The following ANKS1B variants were observed in gnomAD, a reference collection of about 807,000 sequenced individuals.
The protein encoded by ANKS1B is ankyrin repeat and sterile alpha motif domain-containing protein 1B.
ANKS1B carries 36 observed loss-of-function variants against 148.3 expected under a neutral mutation model. The ratio of observed to expected loss-of-function variants is 0.24; its 90% CI spans 0.19 to 0.32. The LOEUF is 0.32. Ranked by LOEUF, ANKS1B falls within the 10% of genes least tolerant of loss-of-function variation. ANKS1B has a pLI of 1.00. For missense variants in ANKS1B, 1,157 were observed against 1,542.6 expected (o/e 0.75, Z 4.19); for synonymous variants, 542 against 560.8 (o/e 0.97, Z 0.47).
chr12:98,852,813 C>T (rs1050156009), intron 17 of ANKS1B, among the ~76,000 whole-genome samples: 7 of 152,024 alleles, frequency 4.6e-5, no homozygotes, highest in Non-Finnish European at 8.8e-5. Context: ...TGATATATTC[C>T]ATATTTAGAA....
intron 1 of ANKS1B, among the ~76,000 whole-genome samples, chr12:99,848,628 G>A (rs1479126953): frequency 3.9e-5 from 6 of 151,960 alleles, no homozygotes; most frequent in Non-Finnish European, 5.9e-5. Flanking sequence ...ATTAAATGAC[G>A]CTGAGTCAAT....
chr12:99,959,096 C>T (rs1256481407), intron 1 of ANKS1B, among the ~76,000 whole-genome samples: 2 of 147,150 alleles, frequency 1.4e-5, no homozygotes, highest in Admixed American at 6.9e-5. Flanking sequence ...CACTCTGTTG[C>T]CCAGGCTAGA....
At chr12:99,062,702 G>T (rs2042839976) in intron 16 of ANKS1B, among the ~76,000 whole-genome samples, 1 of 152,116 alleles carries the variant, frequency 6.6e-6, no homozygotes, top group African/African-American at 2.4e-5. Context: ...AAGAAAAGGG[G>T]GAGATGAGAT....
intron 17 of ANKS1B, among the ~76,000 whole-genome samples, chr12:98,942,455 G>A (rs978465866): frequency 2.0e-5 from 3 of 152,138 alleles, no homozygotes; most frequent in African/African-American, 4.8e-5. Context: ...GACAAAGGCA[G>A]TGCAAAGGGG....
chr12:99,113,896 T>A (rs982473147), intron 15 of ANKS1B, among the ~76,000 whole-genome samples: 1 of 152,226 alleles, frequency 6.6e-6, no homozygotes, highest in African/African-American at 2.4e-5. Flanking sequence ...GTAATCAAGA[T>A]CCTCTAAAAG....
At chr12:99,732,728 T>G (rs2059281557) in intron 8 of ANKS1B, among the ~76,000 whole-genome samples, 1 of 152,174 alleles carries the variant, frequency 6.6e-6, no homozygotes, top group Non-Finnish European at 1.5e-5. Flanking sequence ...TTTTATTGTA[T>G]GTAAATTATA....
intron 9 of ANKS1B, among the ~76,000 whole-genome samples, chr12:99,614,771 T>C (rs886257608): frequency 1.3e-5 from 2 of 152,086 alleles, no homozygotes; most frequent in African/African-American, 4.8e-5. Context: ...ACTCATTTCA[T>C]CCATTTCTCA....
intron 9 of ANKS1B, chr12:99,649,295 C>A: frequency 1.9e-6 from 3 of 1,613,378 alleles, no homozygotes; most frequent in Non-Finnish European, 2.5e-6. Context: ...TAGGGATATG[C>A]CATGAAGTTT....
rs114618685 is a variant in ANKS1B at position 99,503,094 on chromosome 12, G to A, written c.1438+1382C>T. On this transcript the variant is annotated intron_variant, in intron 10 of 26. Transcript: ENST00000683438. ...TGGGACTACAGGCATGGGCCATCAC[G>A]TCCAGCTAATTTTTTAATTGTTTGT... is the stretch of plus-strand genomic sequence containing the variant. Among the ~76,000 whole-genome samples, 1,199 of 152,228 alleles carry A rather than the reference G, an allele frequency of 7.9e-3. 12 individuals are homozygous for A. The highest frequency in any genetic ancestry group is 0.027 in the African/African-American group (1,115 of 41,558).
chr12:99,848,537 T>G (rs932426556), intron 1 of ANKS1B, among the ~76,000 whole-genome samples: 1 of 152,150 alleles, frequency 6.6e-6, no homozygotes, highest in Admixed American at 6.5e-5. Flanking sequence ...TCTATGGAAC[T>G]GAATAGAACC....
intron 17 of ANKS1B, among the ~76,000 whole-genome samples, chr12:99,050,943 C>T (rs1009268208): frequency 6.6e-5 from 10 of 151,924 alleles, no homozygotes; most frequent in Admixed American, 2.0e-4. Context: ...GTGATCCGCC[C>T]GCCTCGACCT....
rs12580993 is a variant in ANKS1B at position 99,381,816 on chromosome 12, T to C, written c.1756+17815A>G. On this transcript the variant is annotated intron_variant, in intron 12 of 26. Transcript: ENST00000683438. Reference sequence around the variant, plus strand: ...TTTCACATTGCTTAATTGTCACTATTTGGATTTTCTTACAGATGATTATGC... The same window carrying C: ...TTTCACATTGCTTAATTGTCACTATCTGGATTTTCTTACAGATGATTATGC... Among the ~76,000 whole-genome samples, 573 of 152,330 alleles carry C rather than the reference T, an allele frequency of 3.8e-3. 34 individuals carry two copies. The East Asian group carries it at 0.088, about 23-fold the overall frequency.
At chr12:99,386,674 C>T (rs938624495) in intron 12 of ANKS1B, among the ~76,000 whole-genome samples, 1 of 152,118 alleles carries the variant, frequency 6.6e-6, no homozygotes, top group South Asian at 2.1e-4. Context: ...TTTGGAAATG[C>T]TGGGCCAATT....
At chr12:99,479,855 T>A (rs900269822) in intron 10 of ANKS1B, among the ~76,000 whole-genome samples, 3 of 151,968 alleles carry the variant, frequency 2.0e-5, no homozygotes, top group Non-Finnish European at 4.4e-5. Context: ...ACATTGTATA[T>A]TTCAAAATTG....
chr12:99,080,869 C>A (rs931026825), intron 16 of ANKS1B, among the ~76,000 whole-genome samples: 1 of 152,046 alleles, frequency 6.6e-6, no homozygotes, highest in African/African-American at 2.4e-5. Context: ...TCTTGTGGAA[C>A]TTTGGGTTTG....
chr12:99,487,868 C>A (rs972442212), intron 10 of ANKS1B, among the ~76,000 whole-genome samples: 1 of 151,992 alleles, frequency 6.6e-6, no homozygotes, highest in South Asian at 2.1e-4. Flanking sequence ...TTCAATAGTT[C>A]TAATATTATA....
intron 14 of ANKS1B, among the ~76,000 whole-genome samples, chr12:99,158,404 G>A (rs1255334815): frequency 6.6e-6 from 1 of 152,064 alleles, no homozygotes; most frequent in Non-Finnish European, 1.5e-5. Flanking sequence ...TTATTATCCT[G>A]ATTTACCGTA....
chr12:99,332,995 A>G (rs573153164), intron 12 of ANKS1B, among the ~76,000 whole-genome samples: 1 of 152,190 alleles, frequency 6.6e-6, no homozygotes, highest in East Asian at 1.9e-4. Flanking sequence ...CAGAGCAGCA[A>G]TAAGAAGTCA....
chr12:99,153,203 C>T (rs2075388565), intron 15 of ANKS1B, among the ~76,000 whole-genome samples: 1 of 152,026 alleles, frequency 6.6e-6, no homozygotes, highest in South Asian at 2.1e-4. Flanking sequence ...CTATAATATT[C>T]AAGTCAACCT....
Sources: allele counts gnomAD v4.1 joint callset (sites outside exome capture counted in the v4.1 genomes callset), GRCh38; gene constraint gnomAD v4.1.1; transcripts MANE v1.5; gene names NCBI Gene and HGNC (gene_info 2026-07-23, HGNC 2026-07-21).